The following CTNNAL1 variants were observed in gnomAD, a reference collection of about 807,000 sequenced individuals.
CTNNAL1 encodes catenin alpha like 1, also known as alpha-catulin.
CTNNAL1 carries 69 observed loss-of-function variants against 93.6 expected under a neutral mutation model. The ratio of observed to expected loss-of-function variants is 0.74; its 90% CI spans 0.61 to 0.90. CTNNAL1 has a LOEUF of 0.90. CTNNAL1 is among the 40% of genes least tolerant of loss of function. CTNNAL1 has a pLI of 0.00. For synonymous variants in CTNNAL1, 286 were observed against 305.4 expected, an observed-to-expected ratio of 0.94 and a Z score of 0.66; for missense variants, 836 against 862.0, an observed-to-expected ratio of 0.97 and a Z score of 0.38.
At chr9:108,988,857 T>G (rs543987212) in intron 4 of CTNNAL1, among the ~76,000 whole-genome samples, 1 of 152,304 alleles carries the variant, frequency 6.6e-6, no homozygotes, top group East Asian at 1.9e-4. Context: ...TGATGAATAT[T>G]TGCTGAGAAA....
intron 15 of CTNNAL1, 92 bp downstream of exon 15, chr9:108,948,094 T>C: frequency 6.5e-6 from 9 of 1,394,894 alleles, no homozygotes; most frequent in Non-Finnish European, 9.0e-6. Context: ...TGTAAGCATA[T>C]ACACATGATA....
At chr9:108,991,484 C>A (rs371663757) in intron 3 of CTNNAL1, among the ~76,000 whole-genome samples, 3 of 152,180 alleles carry the variant, frequency 2.0e-5, no homozygotes, top group Admixed American at 6.5e-5. Flanking sequence ...AACATATTTT[C>A]AAATACTTTT....
intron 14 of CTNNAL1, chr9:108,950,588 T>C: frequency 1.3e-6 from 2 of 1,550,204 alleles, no homozygotes; most frequent in African/African-American, 1.4e-5. Flanking sequence ...TCTTCCCCAC[T>C]CTTAATCCTC....
At chr9:108,983,517 G>A (rs1831503246) in intron 5 of CTNNAL1, among the ~76,000 whole-genome samples, 2 of 152,052 alleles carry the variant, frequency 1.3e-5, no homozygotes, top group African/African-American at 4.8e-5. Context: ...AAAATGCAGA[G>A]TGCAAAACTA....
chr9:108,982,898 T>C (rs1831478854), intron 6 of CTNNAL1, among the ~76,000 whole-genome samples: 1 of 151,970 alleles, frequency 6.6e-6, no homozygotes, highest in Non-Finnish European at 1.5e-5. Context: ...GCCAACATGG[T>C]GAAACCCCGT....
At chr9:108,972,864 G>GGGGCCCCCCCCCCCCCC in intron 8 of CTNNAL1, 31 bp from the exon 9 acceptor site, 6 of 142,518 alleles carry the variant, frequency 4.2e-5, no homozygotes, top group Non-Finnish European at 6.0e-5. Context: ...GGGGGGGTGG[G>GGGGCCCCCCCCCCCCCC]AGGGTGGAGA....
intron 2 of CTNNAL1, among the ~76,000 whole-genome samples, chr9:108,994,149 T>C (rs1448205697): frequency 6.6e-6 from 1 of 152,022 alleles, no homozygotes; most frequent in Non-Finnish European, 1.5e-5. Context: ...GAGAATCGCT[T>C]GGACCTGGGA....
chr9:109,000,807 A>G (rs1197797028), intron 1 of CTNNAL1, among the ~76,000 whole-genome samples: 2 of 152,026 alleles, frequency 1.3e-5, no homozygotes, highest in African/African-American at 4.8e-5. Context: ...GTTAAAACCA[A>G]TATCCAAGAG....
At chr9:108,948,982 A>G (rs552065232) in intron 14 of CTNNAL1, among the ~76,000 whole-genome samples, 1 of 152,326 alleles carries the variant, frequency 6.6e-6, no homozygotes, top group South Asian at 2.1e-4. Flanking sequence ...CAAAAACCAC[A>G]TTAAAAACAA....
At chr9:108,958,595 CT>C (rs1484675075) in intron 11 of CTNNAL1, among the ~76,000 whole-genome samples, 4 of 152,196 alleles carry the variant, frequency 2.6e-5, no homozygotes, top group African/African-American at 7.2e-5. Context: ...GATTCTTCCT[CT>C]TTCCCCCAGT....
chr9:108,958,935 G>A (rs1201885875), intron 11 of CTNNAL1, among the ~76,000 whole-genome samples: 2 of 148,484 alleles, frequency 1.3e-5, no homozygotes, highest in Non-Finnish European at 3.0e-5. Flanking sequence ...TCTAATTATT[G>A]CCGTTGATTC....
chr9:108,963,381 G>T (rs1830871023), intron 11 of CTNNAL1: 1 of 152,232 alleles, frequency 6.6e-6, no homozygotes, highest in Non-Finnish European at 1.5e-5. Flanking sequence ...AGATGATGAT[G>T]AACTCACTGG....
intron 8 of CTNNAL1, among the ~76,000 whole-genome samples, chr9:108,975,681 T>C (rs1831247552): frequency 6.6e-6 from 1 of 152,220 alleles, no homozygotes; most frequent in Admixed American, 6.5e-5. Context: ...ACTGAGATTA[T>C]GTTTTGTGAC....
At chr9:109,008,135 C>T (rs1827089710) in intron 1 of CTNNAL1, among the ~76,000 whole-genome samples, 1 of 148,746 alleles carries the variant, frequency 6.7e-6, no homozygotes, top group South Asian at 2.1e-4. Flanking sequence ...ATGCTATCCA[C>T]ATTCCAATCC....
At chr9:109,002,971 C>T (rs1441040010) in intron 1 of CTNNAL1, among the ~76,000 whole-genome samples, 1 of 151,022 alleles carries the variant, frequency 6.6e-6, no homozygotes, top group Non-Finnish European at 1.5e-5. Context: ...CCAGCCTGGG[C>T]AACAAGAGCA....
intron 4 of CTNNAL1, among the ~76,000 whole-genome samples, chr9:108,986,188 C>A (rs1335939869): frequency 6.7e-6 from 1 of 148,676 alleles, no homozygotes; most frequent in African/African-American, 2.5e-5. Context: ...TCCCCGCACC[C>A]CACAACAGTC....
chr9:108,959,199 A>G (rs1161271722), intron 11 of CTNNAL1, among the ~76,000 whole-genome samples: 1 of 150,988 alleles, frequency 6.6e-6, no homozygotes, highest in East Asian at 2.0e-4. Context: ...CTCTACTAAA[A>G]ATACAAAAAA....
chr9:108,970,084 A>G (rs1831066519), intron 10 of CTNNAL1, among the ~76,000 whole-genome samples: 1 of 152,252 alleles, frequency 6.6e-6, no homozygotes, highest in African/African-American at 2.4e-5. Context: ...TGAATATTAC[A>G]TAACATATGG....
intron 1 of CTNNAL1, among the ~76,000 whole-genome samples, chr9:108,999,967 ATGT>A (rs907197000): frequency 6.6e-6 from 1 of 152,246 alleles, no homozygotes; most frequent in African/African-American, 2.4e-5. Context: ...TATTAAAGAA[ATGT>A]TGTATGAAAA....
Sources: gnomAD v4.1 joint callset for allele counts (sites outside exome capture counted in the v4.1 genomes callset) on GRCh38, gnomAD v4.1.1 for gene constraint, MANE v1.5 for transcripts, NCBI Gene and HGNC (gene_info 2026-07-23, HGNC 2026-07-21) for gene names.